ERAP1: variants seen among roughly 807,000 people sequenced by gnomAD.
ERAP1 encodes the protein endoplasmic reticulum aminopeptidase 1.
In ERAP1, 86 loss-of-function variants were observed where a neutral mutation model predicts 103.7. That is an observed-to-expected ratio of 0.83 (90% CI 0.70 to 0.99). The LOEUF is 0.99. ERAP1 is among the 50% of genes least tolerant of loss of function. The pLI is 0.00. For synonymous variants in ERAP1, 398 were observed against 402.4 expected (o/e 0.99, Z 0.13); for missense variants, 1,009 against 1,128.4 (o/e 0.89, Z 1.52).
intron 19 of ERAP1, chr5:96,768,051 T>C (rs1561624618): frequency 9.2e-6 from 10 of 1,092,340 alleles, no homozygotes; most frequent in East Asian, 2.4e-5. Context: ...TGTGTATGTG[T>C]ACATACATAT....
At chr5:96,762,335 C>G (rs1373743036) in exon 20 of ERAP1, 1 of 1,607,326 alleles carries the variant, frequency 6.2e-7, no homozygotes, top group Non-Finnish European at 8.5e-7. Flanking sequence ...ACCCCAGCTT[C>G]AACGACCCAA....
chr5:96,860,523 T>A, the ERAP1 span, among the ~76,000 whole-genome samples: 1 of 152,152 alleles, frequency 6.6e-6, no homozygotes, highest in East Asian at 1.9e-4. Context: ...ACAAAATTAT[T>A]TAGCAACTAC....
In ERAP1 at chr5:96,775,080, G is replaced by T; in HGVS notation, c.*1316C>A. ...CAGCAACAGAGCACACTATGGGTTA[G>T]ATAAGTCCCTGTGTAGCAAGTTTTC... On this transcript the variant is annotated 3_prime_UTR_variant, in exon 19 of 19. Transcript: ENST00000443439. 1 of 985,516 alleles carries T rather than the reference G, an allele frequency of 1.0e-6. No homozygotes were observed. The highest frequency in any genetic ancestry group is 4.7e-5 in the South Asian group (1 of 21,282). 61.0% of individuals were successfully genotyped at this position (985,516 alleles called of 1,614,324 possible).
At chr5:96,870,062 T>G in the ERAP1 span, among the ~76,000 whole-genome samples, 13,347 of 152,108 alleles carry the variant, frequency 0.088, 685 homozygotes, top group Middle Eastern at 0.14. Flanking sequence ...TTCCAGAAAT[T>G]CCCCAGGGGC....
chr5:96,853,288 G>T, the ERAP1 span, among the ~76,000 whole-genome samples: 1 of 152,146 alleles, frequency 6.6e-6, no homozygotes, highest in Non-Finnish European at 1.5e-5. Context: ...GAGGTTGTTT[G>T]CTCTCTGCCC....
At chr5:96,855,594 A>G in the ERAP1 span, among the ~76,000 whole-genome samples, 1 of 152,168 alleles carries the variant, frequency 6.6e-6, no homozygotes, top group Admixed American at 6.5e-5. Flanking sequence ...TCCATGACTT[A>G]CAGAAACCAG....
the ERAP1 span, chr5:96,918,195 TAC>T: frequency 6.6e-6 from 1 of 152,376 alleles, no homozygotes; most frequent in South Asian, 2.1e-4. Context: ...TATGTGGAGA[TAC>T]AGACATAGAT....
At position 96,785,462 on chromosome 5, in the gene ERAP1, A is replaced by C. The variant is rs552754235; in HGVS notation, c.1943+326T>G. The C allele has an allele frequency of 1.9e-5, 7 of 370,844 alleles. No individual in the cohort carries two copies. The Admixed American group carries it at 1.9e-4, about 10-fold the overall frequency. The allele number at this position is 370,844 out of a possible 1,614,324, so 23.0% of individuals were successfully genotyped here. A position where few individuals can be genotyped will look rare whatever the true frequency, so the allele number is the denominator to read the frequency against. ...TGATCCGGTATAGCGGGGCCAGAAG[A>C]AGCTGCGGGACCATGCCGCGGGGAC... On this transcript the variant is annotated intron_variant, in intron 13 of 18. Transcript: ENST00000443439.
At chr5:96,777,130 A>C (rs1288236760) in intron 18 of ERAP1, among the ~76,000 whole-genome samples, 1 of 152,174 alleles carries the variant, frequency 6.6e-6, no homozygotes, top group African/African-American at 2.4e-5. Context: ...GTTCCCCATG[A>C]TTTTAAAGAG....
chr5:96,930,220 G>A, the ERAP1 span, among the ~76,000 whole-genome samples: 7 of 152,116 alleles, frequency 4.6e-5, no homozygotes, highest in Non-Finnish European at 7.4e-5. Flanking sequence ...TTTTTTGCCT[G>A]ATAAGAGATC....
At chr5:96,812,413 T>G (rs1175105031), upstream of ERAP1, among the ~76,000 whole-genome samples, 2 of 152,220 alleles carry the variant, frequency 1.3e-5, no homozygotes, top group Non-Finnish European at 2.9e-5. Flanking sequence ...AAACCTTTGT[T>G]TAGGAGGCTT....
rs1031477350 is a variant in ERAP1 at position 96,775,937 on chromosome 5, G to A, written c.*459C>T. The A allele has an allele frequency of 4.9e-6, 5 of 1,020,000 alleles. No homozygotes were observed. The highest frequency in any genetic ancestry group is 9.0e-5 in the East Asian group (1 of 11,122). The allele number at this position is 1,020,000 out of a possible 1,614,324, so 63.2% of individuals were successfully genotyped here. ...GGAGCAAGGAAGAGGGATGGGCAGC[G>A]GGTCTGGAGGGGTGAGCCGGGAGAG... On this transcript the variant is annotated 3_prime_UTR_variant, in exon 19 of 19. Transcript: ENST00000443439.
the ERAP1 span, among the ~76,000 whole-genome samples, chr5:96,838,426 C>T: frequency 2.6e-5 from 4 of 152,086 alleles, no homozygotes; most frequent in African/African-American, 9.7e-5. Flanking sequence ...TCTTTCCCCC[C>T]AGTTTTTGAT....
Position 96,793,511 on chromosome 5 carries a change from C to T in ERAP1, c.1077G>A (p.Trp359Ter), listed in dbSNP as rs528011637. The change falls in exon 7 of 19, where the codon TGG becomes TGA. Residue 359 changes from tryptophan to a stop codon, truncating the protein, a stop_gained and splice_region_variant. Coordinates refer to ENST00000443439, the MANE Select transcript of ERAP1 (RefSeq NM_001040458.3). LOFTEE classifies it high-confidence loss of function. ...MTVAHELAHQ[W>*]FGNLVTMEWW... ...ATTCCATAGTGACCAGGTTCCCAAA[C>T]CACTAAAAGCACAACATAAGCCATA... The T allele has an allele frequency of 4.3e-6, 7 of 1,609,862 alleles. 1 individual carries two copies. The Admixed American group carries it at 1.2e-4, about 27-fold the overall frequency.
the ERAP1 span, among the ~76,000 whole-genome samples, chr5:96,846,662 C>A: frequency 6.6e-6 from 1 of 152,138 alleles, no homozygotes; most frequent in Non-Finnish European, 1.5e-5. Context: ...GTCTGGGGAT[C>A]ACATATGAGT....
At chr5:96,822,865 C>G in the ERAP1 span, 1 of 300,638 alleles carries the variant, frequency 3.3e-6, no homozygotes, top group African/African-American at 2.2e-5. Flanking sequence ...AGTCCAGGCA[C>G]AGTTTATATG....
chr5:96,786,786 A>G, intron 11 of ERAP1: 1 of 488,558 alleles, frequency 2.0e-6, no homozygotes, highest in Non-Finnish European at 3.7e-6. Flanking sequence ...GACTCACGTG[A>G]ACCCTGAAAG....
the ERAP1 span, among the ~76,000 whole-genome samples, chr5:96,881,978 T>C: frequency 2.2e-5 from 2 of 92,956 alleles, no homozygotes; most frequent in Non-Finnish European, 4.3e-5. Flanking sequence ...GGAAGGGAAA[T>C]GGGTATCAGG....
At chr5:96,912,770 A>G in the ERAP1 span, 1 of 1,602,186 alleles carries the variant, frequency 6.2e-7, no homozygotes, top group East Asian at 2.3e-5. Context: ...TGCTTTGTCA[A>G]CGAGCAAGCA....
Sources: gnomAD v4.1 joint callset for allele counts (sites outside exome capture counted in the v4.1 genomes callset) on GRCh38, gnomAD v4.1.1 for gene constraint, MANE v1.5 for transcripts, NCBI Gene and HGNC (gene_info 2026-07-23, HGNC 2026-07-21) for gene names.